The following WDR70 variants were observed in gnomAD, a reference collection of about 807,000 sequenced individuals.
The protein encoded by WDR70 is WD repeat-containing protein 70.
In WDR70, 53 loss-of-function variants were observed where a neutral mutation model predicts 88.6. The observed-to-expected ratio is 0.60, with a 90% confidence interval of 0.48 to 0.75. WDR70 has a LOEUF of 0.75. Among genes scored for constraint, WDR70 ranks in the 30% least tolerant of loss-of-function variants. The probability of loss-of-function intolerance (pLI) is 0.00; values close to 1 mark genes in which losing one functional copy is unlikely to be tolerated. For synonymous variants in WDR70, 280 were observed against 270.0 expected, an observed-to-expected ratio of 1.04 and a Z score of -0.36; for missense variants, 610 against 823.2, an observed-to-expected ratio of 0.74 and a Z score of 3.17.
intron 7 of WDR70, among the ~76,000 whole-genome samples, chr5:37,470,105 T>C (rs1171740417): frequency 1.4e-5 from 2 of 145,740 alleles, no homozygotes; most frequent in East Asian, 2.0e-4. Flanking sequence ...AGGATGCCCA[T>C]GTAAGCAAAA....
intron 13 of WDR70, among the ~76,000 whole-genome samples, chr5:37,717,674 A>G (rs185026477): frequency 6.6e-6 from 1 of 152,256 alleles, no homozygotes; most frequent in East Asian, 1.9e-4. Flanking sequence ...GCCGGTATGT[A>G]TGTTTGACAA....
At chr5:37,587,063 C>G (rs1743384056) in intron 9 of WDR70, among the ~76,000 whole-genome samples, 1 of 152,142 alleles carries the variant, frequency 6.6e-6, no homozygotes, top group Admixed American at 6.5e-5. Context: ...TGCCTTAGAA[C>G]AGGCCTTTAT....
intron 10 of WDR70, among the ~76,000 whole-genome samples, chr5:37,608,560 T>G (rs914689782): frequency 9.2e-5 from 14 of 152,030 alleles, no homozygotes; most frequent in Non-Finnish European, 1.6e-4. Flanking sequence ...TTTTTTTTTT[T>G]TTGTTTAACT....
rs1224499462 is a variant in WDR70, at chr5:37,697,684, T to C, written c.1122T>C (p.Ala374=). ...TVHPKFHYKQ[A]HDSGTDTSCV... is the part of the protein sequence containing the mutation. ...ATCCTAAGTTCCACTATAAACAGGC[T>C]CATGACTCGGGCACAGACACTTCTT... Residue 374 remains alanine (A), a synonymous_variant, in exon 11 of 18, where the codon GCT becomes GCC. Transcript: ENST00000265107. 6.2e-7 allele frequency: 1 copy of C among 1,613,838 alleles called. No individual in the cohort carries two copies. The highest frequency in any genetic ancestry group is 2.2e-5 in the East Asian group (1 of 44,852).
chr5:37,653,793 T>C (rs772962641), intron 10 of WDR70, among the ~76,000 whole-genome samples: 1 of 152,228 alleles, frequency 6.6e-6, no homozygotes, highest in African/African-American at 2.4e-5. Context: ...ATATCCCCTT[T>C]ATCATTTTTT....
chr5:37,619,864 TG>T (rs1019940322), intron 10 of WDR70: 22 of 151,832 alleles, frequency 1.4e-4, no homozygotes, highest in African/African-American at 5.3e-4. Context: ...TAAAGAGCTT[TG>T]CAAGATTCTG....
chr5:37,687,967 G>A (rs543766691), intron 10 of WDR70: 2 of 690,378 alleles, frequency 2.9e-6, no homozygotes, highest in South Asian at 3.1e-5. Context: ...TCACACTGAA[G>A]TTTGTGTGAT....
chr5:37,646,377 G>T (rs555284704), intron 10 of WDR70, among the ~76,000 whole-genome samples: 28 of 151,814 alleles, frequency 1.8e-4, no homozygotes, highest in Middle Eastern at 3.4e-3. Flanking sequence ...CTCATCTTTT[G>T]GTACTTTTCA....
chr5:37,490,910 A>G lies in WDR70; in HGVS notation c.840+10923A>G, dbSNP rs539195542. ...CTCTCAGTGGGTATGAGGGGATGTC[A>G]TGGGGCCTCCAGGGATGTGGAGATG... On this transcript the variant is annotated intron_variant, in intron 8 of 17. Coordinates refer to ENST00000265107, the MANE Select transcript of WDR70 (RefSeq NM_018034.4). 2.3e-4 allele frequency among the ~76,000 whole-genome samples: 35 copies of G among 152,208 alleles called. 1 individual carries two copies. Among genetic ancestry groups the G allele is most frequent in the African/African-American group, 7.7e-4 (32 of 41,542 alleles).
chr5:37,499,883 T>C (rs1740353490), intron 8 of WDR70, among the ~76,000 whole-genome samples: 2 of 152,186 alleles, frequency 1.3e-5, no homozygotes, highest in Non-Finnish European at 2.9e-5. Context: ...AGCAGAAGTT[T>C]TAAAAATTCT....
intron 9 of WDR70, among the ~76,000 whole-genome samples, chr5:37,585,396 G>T (rs1035515656): frequency 1.3e-5 from 2 of 152,168 alleles, no homozygotes; most frequent in East Asian, 3.9e-4. Context: ...TATGTCCCCA[G>T]ATGGATTCAT....
intron 10 of WDR70, among the ~76,000 whole-genome samples, chr5:37,631,004 G>T (rs1203549121): frequency 9.9e-5 from 15 of 152,140 alleles, no homozygotes; most frequent in Admixed American, 9.2e-4. Flanking sequence ...ATGGGGGTTG[G>T]TGGTGATATT....
intron 3 of WDR70, among the ~76,000 whole-genome samples, chr5:37,387,282 T>C (rs1748650390): frequency 6.6e-6 from 1 of 152,298 alleles, no homozygotes; most frequent in South Asian, 2.1e-4. Context: ...CTTGAAGAGA[T>C]TAAGATGTTG....
intron 3 of WDR70, among the ~76,000 whole-genome samples, chr5:37,382,298 C>T (rs1306972440): frequency 6.6e-6 from 1 of 151,086 alleles, no homozygotes; most frequent in East Asian, 2.0e-4. Flanking sequence ...TGGGGTTTCA[C>T]TGTGTTGGCC....
chr5:37,697,527 G>A (rs1747015829), intron 10 of WDR70, 128 bp from the exon 11 acceptor site: 1 of 656,860 alleles, frequency 1.5e-6, no homozygotes, highest in African/African-American at 1.8e-5. Context: ...TTATAATCAT[G>A]TGAAATTAGT....
At chr5:37,531,526 T>C (rs1741482410) in intron 9 of WDR70, among the ~76,000 whole-genome samples, 1 of 151,970 alleles carries the variant, frequency 6.6e-6, no homozygotes, top group African/African-American at 2.4e-5. Context: ...GGATTAGTCC[T>C]TTTTATCATT....
chr5:37,415,957 G>C (rs1168089720), intron 5 of WDR70, among the ~76,000 whole-genome samples: 2 of 151,882 alleles, frequency 1.3e-5, no homozygotes, highest in African/African-American at 4.8e-5. Context: ...TGGGCTGGCG[G>C]CCGGGAAGAG....
chr5:37,503,088 C>T (rs373036767), intron 8 of WDR70, among the ~76,000 whole-genome samples: 5 of 152,146 alleles, frequency 3.3e-5, no homozygotes, highest in East Asian at 1.9e-4. Context: ...TGCTGGATTA[C>T]GTTTGTTAGT....
At position 37,533,595 on chromosome 5, in the gene WDR70, C is replaced by A. The variant is rs867008639; in HGVS notation, c.917+17005C>A. ...AGATTTTGACCTTTGTCTTTGGTTA[C>A]CTGGGCAAGTAGAGAAAAACCACCA... On this transcript the variant is annotated intron_variant, in intron 9 of 17. Transcript: ENST00000265107. 1.3e-4 allele frequency among the ~76,000 whole-genome samples: 19 copies of A among 151,770 alleles called. No individual in the cohort carries two copies. The Middle Eastern group carries it at 0.01, about 82-fold the overall frequency.
Sources: allele counts gnomAD v4.1 joint callset (sites outside exome capture counted in the v4.1 genomes callset), GRCh38; gene constraint gnomAD v4.1.1; transcripts MANE v1.5; gene names NCBI Gene and HGNC (gene_info 2026-07-23, HGNC 2026-07-21).